The following NCAM2 variants were observed in gnomAD, a reference collection of about 807,000 sequenced individuals.
The protein encoded by NCAM2 is neural cell adhesion molecule 2, also known as N-CAM-2.
In NCAM2, 30 loss-of-function variants were observed where a neutral mutation model predicts 98.1. The observed-to-expected ratio is 0.31, with a 90% CI of 0.23 to 0.41. NCAM2 has a LOEUF of 0.41. NCAM2 is among the 10% of genes least tolerant of loss of function. The pLI, the probability that NCAM2 is intolerant of heterozygous loss-of-function variation, is 1.00. For missense variants in NCAM2, 867 were observed against 1,005.8 expected, an observed-to-expected ratio of 0.86 and a Z score of 1.87; for synonymous variants, 368 against 342.4, an observed-to-expected ratio of 1.07 and a Z score of -0.83.
intron 1 of NCAM2, among the ~76,000 whole-genome samples, chr21:21,150,528 T>C (rs1433827417): frequency 6.6e-6 from 1 of 152,042 alleles, no homozygotes; most frequent in East Asian, 1.9e-4. Context: ...TATTCCTAGT[T>C]TGCTATTTTA....
At chr21:21,227,459 A>T (rs1330325136) in intron 1 of NCAM2, among the ~76,000 whole-genome samples, 1 of 151,852 alleles carries the variant, frequency 6.6e-6, no homozygotes, top group Non-Finnish European at 1.5e-5. Context: ...AAGGATCTAA[A>T]TAATAACAAG....
chr21:21,078,639 G>A (rs1339732881), intron 1 of NCAM2, among the ~76,000 whole-genome samples: 1 of 152,050 alleles, frequency 6.6e-6, no homozygotes, highest in Non-Finnish European at 1.5e-5. Context: ...GATTCCTCTG[G>A]GATCTAGACC....
chr21:21,338,288 T>C (rs1167905813), intron 7 of NCAM2, 101 bp from the exon 8 acceptor site: 1 of 1,087,870 alleles, frequency 9.2e-7, no homozygotes, highest in Non-Finnish European at 1.3e-6. Context: ...GCTAATAATA[T>C]CATACTATAC....
chr21:21,151,840 T>A (rs930660098), intron 1 of NCAM2, among the ~76,000 whole-genome samples: 1 of 152,046 alleles, frequency 6.6e-6, no homozygotes, highest in Non-Finnish European at 1.5e-5. Flanking sequence ...ACCATTGTTC[T>A]TATTTGTTCT....
intron 14 of NCAM2, among the ~76,000 whole-genome samples, chr21:21,473,373 A>AATATATATATATATATATATATATATAT (rs57318222): frequency 4.3e-5 from 6 of 140,490 alleles, no homozygotes; most frequent in African/African-American, 1.6e-4. Context: ...TATATGTATA[A>AATATATATATATATATATATATATATAT]ATATATATAT....
At chr21:21,394,623 G>A (rs919618853) in intron 9 of NCAM2, among the ~76,000 whole-genome samples, 3 of 151,236 alleles carry the variant, frequency 2.0e-5, no homozygotes, top group Non-Finnish European at 2.9e-5. Flanking sequence ...AGAGTAGCTG[G>A]GACTACAGGT....
At chr21:21,515,750 A>G (rs1395073933) in intron 16 of NCAM2, among the ~76,000 whole-genome samples, 1 of 152,210 alleles carries the variant, frequency 6.6e-6, no homozygotes, top group Non-Finnish European at 1.5e-5. Context: ...ATAAGACACT[A>G]TAAACAATGA....
intron 1 of NCAM2, among the ~76,000 whole-genome samples, chr21:21,057,758 T>C (rs2065241547): frequency 6.6e-6 from 1 of 152,124 alleles, no homozygotes; most frequent in African/African-American, 2.4e-5. Context: ...ATTACGCTAT[T>C]GACTAGCTAA....
intron 1 of NCAM2, among the ~76,000 whole-genome samples, chr21:21,188,372 G>A (rs1364151319): frequency 1.3e-5 from 2 of 152,124 alleles, no homozygotes; most frequent in African/African-American, 4.8e-5. Context: ...CATGTTTGAT[G>A]ATGGTGTTAT....
chr21:21,040,946 A>G (rs1250891077), intron 1 of NCAM2, among the ~76,000 whole-genome samples: 4 of 152,192 alleles, frequency 2.6e-5, no homozygotes, highest in African/African-American at 9.6e-5. Context: ...ATAAAAATCA[A>G]TGCCAAATGT....
At chr21:21,202,576 C>T (rs1176615513) in intron 1 of NCAM2, among the ~76,000 whole-genome samples, 1 of 151,816 alleles carries the variant, frequency 6.6e-6, no homozygotes, top group Non-Finnish European at 1.5e-5. Context: ...GCCACCATGC[C>T]TGGCTAATTT....
In NCAM2 at chr21:21,538,910, A is replaced by G. The variant is rs1410806306; in HGVS notation, c.*953A>G. ...ATATATTTTTAGCCCATGGTTTTAT[A>G]TAATCTTTAAGAACTAATTTTACCA... On this transcript the variant is annotated 3_prime_UTR_variant, in exon 18 of 18. Transcript: ENST00000400546. 1 of 152,152 alleles carries G rather than the reference A, an allele frequency of 6.6e-6. No individual in the cohort carries two copies. Among genetic ancestry groups the G allele is most frequent in the East Asian group, 1.9e-4 (1 of 5,198 alleles). 9.4% of individuals were successfully genotyped at this position (152,152 alleles called of 1,614,324 possible). A position where few individuals can be genotyped will look rare whatever the true frequency, so the allele number is the denominator to read the frequency against.
chr21:21,106,461 C>T (rs2066352089), intron 1 of NCAM2, among the ~76,000 whole-genome samples: 1 of 151,578 alleles, frequency 6.6e-6, no homozygotes, highest in Admixed American at 6.6e-5. Context: ...AAACTGTTGA[C>T]AAAAATGTAA....
intron 1 of NCAM2, among the ~76,000 whole-genome samples, chr21:21,227,545 C>A (rs1215817191): frequency 6.6e-6 from 1 of 151,602 alleles, no homozygotes; most frequent in Non-Finnish European, 1.5e-5. Flanking sequence ...AAGTCAGTTC[C>A]AAACAGCATT....
intron 16 of NCAM2, among the ~76,000 whole-genome samples, chr21:21,523,745 T>A (rs1989160938): frequency 6.6e-6 from 1 of 151,904 alleles, no homozygotes; most frequent in Admixed American, 6.6e-5. Context: ...AAATGTATAT[T>A]GAAAATTCTT....
At chr21:21,373,667 G>A (rs2075969555) in intron 8 of NCAM2, among the ~76,000 whole-genome samples, 196 bp from the exon 9 acceptor site, 2 of 151,672 alleles carry the variant, frequency 1.3e-5, no homozygotes, top group Admixed American at 6.6e-5. Flanking sequence ...CCTTCATGAA[G>A]CTATGAGAAT....
intron 16 of NCAM2, among the ~76,000 whole-genome samples, chr21:21,527,142 C>T (rs1251427018): frequency 1.3e-5 from 2 of 149,164 alleles, no homozygotes; most frequent in Non-Finnish European, 3.0e-5. Flanking sequence ...GATGGAGTCT[C>T]GCTCTGTTGC....
chr21:21,138,889 T>C (rs1832163274), intron 1 of NCAM2, among the ~76,000 whole-genome samples: 1 of 152,154 alleles, frequency 6.6e-6, no homozygotes, highest in South Asian at 2.1e-4. Context: ...ATTGAAGTAA[T>C]TTTTTGTCAT....
chr21:21,090,964 C>T (rs970344316), intron 1 of NCAM2, among the ~76,000 whole-genome samples: 1 of 152,150 alleles, frequency 6.6e-6, no homozygotes, highest in Non-Finnish European at 1.5e-5. Context: ...TTCTTCAGAG[C>T]ATTCACTACC....
Sources: gnomAD v4.1 joint callset for allele counts (sites outside exome capture counted in the v4.1 genomes callset) on GRCh38, gnomAD v4.1.1 for gene constraint, MANE v1.5 for transcripts, NCBI Gene and HGNC (gene_info 2026-07-23, HGNC 2026-07-21) for gene names.